Variants in HS2ST1 observed in about 807,000 individuals in gnomAD.
HS2ST1 encodes the protein heparan sulfate 2-O-sulfotransferase 1, also known as 2-O-sulfotransferase.
In HS2ST1, 18 loss-of-function variants were observed where a neutral mutation model predicts 42.9. That is an observed-to-expected ratio of 0.42 (90% confidence interval 0.29 to 0.62). The LOEUF (loss-of-function observed/expected upper bound fraction) is 0.62, where lower values mean the gene tolerates loss of function less well. HS2ST1 is among the 20% of genes least tolerant of loss of function. HS2ST1 has a pLI of 0.21. For missense variants in HS2ST1, 334 were observed against 433.8 expected, an observed-to-expected ratio of 0.77 and a Z score of 2.04; for synonymous variants, 146 against 152.9, an observed-to-expected ratio of 0.95 and a Z score of 0.33.
At position 86,925,373 on chromosome 1, in the gene HS2ST1, G is replaced by T. The variant is rs557695661; in HGVS notation, c.124+10213G>T. ...CCCAAAGTAGCTTCCACATTTTTGG[G>T]TATCTTTTCAGCAATGCCCCACTCT... On this transcript the variant is annotated intron_variant, in intron 1 of 6. Coordinates refer to ENST00000370550, the MANE Select transcript of HS2ST1 (RefSeq NM_012262.4). 4.1e-4 allele frequency among the ~76,000 whole-genome samples: 62 copies of T among 152,188 alleles called. 1 individual carries two copies. The Middle Eastern group carries it at 0.017, about 42-fold the overall frequency.
intron 1 of HS2ST1, among the ~76,000 whole-genome samples, chr1:86,933,812 G>C (rs1453829312): frequency 6.6e-6 from 1 of 151,710 alleles, no homozygotes; most frequent in South Asian, 2.1e-4. Context: ...TAGGAGTTAG[G>C]CTGTGTTTAC....
chr1:87,102,124 C>G (rs985553329), intron 5 of HS2ST1, among the ~76,000 whole-genome samples: 1 of 150,476 alleles, frequency 6.6e-6, no homozygotes, highest in African/African-American at 2.4e-5. Context: ...ATGGTGTGAT[C>G]TCGGCTCACC....
intron 1 of HS2ST1, among the ~76,000 whole-genome samples, chr1:86,977,485 C>A (rs1648454059): frequency 6.6e-6 from 1 of 152,172 alleles, no homozygotes; most frequent in Non-Finnish European, 1.5e-5. Context: ...AGGCATACTG[C>A]ATATTTGTAA....
chr1:86,965,683 A>G (rs867588723), intron 1 of HS2ST1, among the ~76,000 whole-genome samples: 2 of 152,154 alleles, frequency 1.3e-5, no homozygotes, highest in South Asian at 2.1e-4. Context: ...CTAGCCAGTG[A>G]TTAAGATCTA....
At chr1:86,956,846 C>T (rs547758725) in intron 1 of HS2ST1, among the ~76,000 whole-genome samples, 1 of 152,302 alleles carries the variant, frequency 6.6e-6, no homozygotes, top group South Asian at 2.1e-4. Context: ...CTTTGAGTAA[C>T]ATGTTCTTGC....
In HS2ST1 at chr1:86,922,805, T is replaced by A. The variant is rs368286170; in HGVS notation, c.124+7645T>A. ...TATTTAATTATTAAATTATGTTTCT[T>A]GTGCCCTTGTATTATGTTTCTTGTG... is the stretch of plus-strand genomic sequence containing the variant. On this transcript the variant is annotated intron_variant, in intron 1 of 6. Coordinates refer to ENST00000370550, the MANE Select transcript of HS2ST1 (RefSeq NM_012262.4). Among the ~76,000 whole-genome samples, 131 of 152,312 alleles carry A rather than the reference T, an allele frequency of 8.6e-4. 4 individuals carry two copies. The South Asian group carries it at 0.026, about 30-fold the overall frequency.
chr1:87,084,261 C>A lies in HS2ST1; in HGVS notation c.431C>A (p.Ser144Tyr), dbSNP rs752360102. ...MKPGFYHGHVSYLDFAKFGVK... is the reference protein window; with the variant it reads ...MKPGFYHGHVYYLDFAKFGVK... ...CCAGGATTTTATCATGGACACGTTTCTTACTTGGATTTTGCAAAGTAAGTT... is the reference window on the plus strand; with the variant it reads ...CCAGGATTTTATCATGGACACGTTTATTACTTGGATTTTGCAAAGTAAGTT... The change falls in exon 3 of 7, where the codon TCT (serine) becomes TAT (tyrosine). Residue 144 changes from serine (S) to tyrosine (Y), a missense_variant. Transcript: ENST00000370550. The A allele has an allele frequency of 4.4e-6, 7 of 1,604,460 alleles. No individual in the cohort carries two copies. The highest frequency in any genetic ancestry group is 6.0e-6 in the Non-Finnish European group (7 of 1,174,562).
chr1:86,980,908 T>G (rs1449908019), intron 1 of HS2ST1, among the ~76,000 whole-genome samples: 1 of 152,144 alleles, frequency 6.6e-6, no homozygotes, highest in Non-Finnish European at 1.5e-5. Flanking sequence ...GTGTAATATA[T>G]GAGTATATAA....
At chr1:87,037,643 G>A (rs952022238) in intron 1 of HS2ST1, among the ~76,000 whole-genome samples, 5 of 147,644 alleles carry the variant, frequency 3.4e-5, no homozygotes, top group African/African-American at 5.0e-5. Flanking sequence ...CCTCTGTCTT[G>A]TATAAAGTAA....
chr1:87,018,142 A>G (rs1420388844), intron 1 of HS2ST1, among the ~76,000 whole-genome samples: 1 of 106,138 alleles, frequency 9.4e-6, no homozygotes, highest in African/African-American at 4.2e-5. Flanking sequence ...CCACACACAC[A>G]CACACACACA....
At chr1:87,016,151 G>A (rs1468590863) in intron 1 of HS2ST1, among the ~76,000 whole-genome samples, 1 of 152,088 alleles carries the variant, frequency 6.6e-6, no homozygotes, top group Non-Finnish European at 1.5e-5. Context: ...AGGGGTTTTC[G>A]TGTTGTTGTG....
At chr1:86,917,281 G>GT (rs1185049772) in intron 1 of HS2ST1, among the ~76,000 whole-genome samples, 1 of 152,196 alleles carries the variant, frequency 6.6e-6, no homozygotes, top group Non-Finnish European at 1.5e-5. Flanking sequence ...CACTTTGGGA[G>GT]GCCGAGGCCG....
chr1:86,983,814 G>A (rs1384159568), intron 1 of HS2ST1, among the ~76,000 whole-genome samples: 1 of 151,946 alleles, frequency 6.6e-6, no homozygotes, highest in African/African-American at 2.4e-5. Flanking sequence ...AGGCCGAGGC[G>A]GGTGGATCAC....
chr1:87,003,166 G>A (rs1338272202), intron 1 of HS2ST1, among the ~76,000 whole-genome samples: 2 of 152,310 alleles, frequency 1.3e-5, no homozygotes, highest in East Asian at 1.9e-4. Flanking sequence ...TGCCTCATAA[G>A]TTTTGAAGAA....
chr1:87,080,426 A>AGGG (rs1421074233), intron 2 of HS2ST1, among the ~76,000 whole-genome samples: 1 of 152,212 alleles, frequency 6.6e-6, no homozygotes, highest in Non-Finnish European at 1.5e-5. Context: ...ACTGGATCTG[A>AGGG]GGGATTGCCT....
intron 3 of HS2ST1, among the ~76,000 whole-genome samples, chr1:87,084,668 C>G (rs1002081448): frequency 7.2e-5 from 11 of 152,166 alleles, no homozygotes; most frequent in South Asian, 4.1e-4. Context: ...TGCTTCTCAC[C>G]CAAGACATAC....
At chr1:87,048,749 G>A (rs919719339) in intron 1 of HS2ST1, among the ~76,000 whole-genome samples, 1 of 152,044 alleles carries the variant, frequency 6.6e-6, no homozygotes, top group Non-Finnish European at 1.5e-5. Context: ...TGAATACGTG[G>A]TCTTTAGCTT....
intron 1 of HS2ST1, among the ~76,000 whole-genome samples, chr1:86,941,607 A>G (rs1394488654): frequency 6.6e-6 from 1 of 152,058 alleles, no homozygotes; most frequent in Non-Finnish European, 1.5e-5. Context: ...CCCTGTCTCT[A>G]CTGAAAATAC....
At chr1:87,060,518 C>G (rs1651093995) in intron 1 of HS2ST1, among the ~76,000 whole-genome samples, 1 of 152,040 alleles carries the variant, frequency 6.6e-6, no homozygotes, top group Admixed American at 6.5e-5. Flanking sequence ...TAAAGAGACT[C>G]AGTTTTCTTA....
Sources: gnomAD v4.1 joint callset for allele counts (sites outside exome capture counted in the v4.1 genomes callset) on GRCh38, gnomAD v4.1.1 for gene constraint, MANE v1.5 for transcripts, NCBI Gene and HGNC (gene_info 2026-07-23, HGNC 2026-07-21) for gene names.